Variants in SYCP2L observed in about 807,000 individuals in gnomAD.
SYCP2L encodes the protein synaptonemal complex protein 2 like, also known as synaptonemal complex protein 2-like.
A neutral mutation model predicts 125.8 loss-of-function variants in SYCP2L; 98 were observed. The observed-to-expected ratio is 0.78, with a 90% CI of 0.66 to 0.92. The LOEUF (loss-of-function observed/expected upper bound fraction) is 0.92. SYCP2L is among the 40% of genes least tolerant of loss of function. SYCP2L has a pLI of 0.00. For synonymous variants in SYCP2L, 317 were observed against 325.4 expected (o/e 0.97, Z 0.28); for missense variants, 842 against 936.4 (o/e 0.90, Z 1.32).
In SYCP2L at chr6:10,907,540, A is replaced by G; in HGVS notation, c.677-2A>G. 1.2e-6 allele frequency: 2 copies of G among 1,608,580 alleles called. No homozygotes were observed. Among genetic ancestry groups the G allele is most frequent in the Non-Finnish European group, 1.7e-6 (2 of 1,178,078 alleles). The stretch of plus-strand genomic sequence containing the variant: ...TATGTCTACTATGTTTTTAATCTCT[A>G]GATTATGACCAGCAGGTTGCTATTT... On this transcript the variant is annotated splice_acceptor_variant, in intron 9 of 29. Transcript: ENST00000283141. LOFTEE classifies it high-confidence loss of function.
At chr6:10,952,016 G>A (rs1301350142) in intron 23 of SYCP2L, among the ~76,000 whole-genome samples, 1 of 152,126 alleles carries the variant, frequency 6.6e-6, no homozygotes, top group Non-Finnish European at 1.5e-5. Flanking sequence ...GAGAGCAGGA[G>A]CACACCCCCT....
At chr6:10,935,211 C>A (rs758690761) in intron 21 of SYCP2L, 24 bp downstream of exon 21, 1 of 1,603,066 alleles carries the variant, frequency 6.2e-7, no homozygotes, top group South Asian at 1.1e-5. Context: ...TGTTGACTTA[C>A]ATAGGAAAAA....
chr6:10,972,353 G>T (rs558309281), intron 29 of SYCP2L, among the ~76,000 whole-genome samples: 2 of 152,316 alleles, frequency 1.3e-5, no homozygotes, highest in South Asian at 2.1e-4. Context: ...CTCCAATAGA[G>T]AATTGGATTA....
rs1781499952 is a variant in SYCP2L, at chr6:10,956,170, A to G, written c.2091A>G (p.Pro697=). 2 of 1,613,914 alleles carry G rather than the reference A, an allele frequency of 1.2e-6. No homozygotes were observed. Among genetic ancestry groups the G allele is most frequent in the Non-Finnish European group, 8.5e-7 (1 of 1,179,988 alleles). Residue 697 remains proline (P), a synonymous_variant, in exon 25 of 30, where the codon CCA becomes CCG. Transcript: ENST00000283141. ...CCACTTCATCCCTAGAAGTTGTGCCAGAGAACTTGAACGGTTCTGCCATTC... is the reference window on the plus strand; with the variant it reads ...CCACTTCATCCCTAGAAGTTGTGCCGGAGAACTTGAACGGTTCTGCCATTC... The part of the protein sequence containing the change: ...GISTSSLEVV[P]ENLNGSAILP...
chr6:10,926,844 A>T (rs1780906527), intron 16 of SYCP2L, among the ~76,000 whole-genome samples: 1 of 149,014 alleles, frequency 6.7e-6, no homozygotes, highest in African/African-American at 2.5e-5. Context: ...CAGTGGCACG[A>T]TCTCGGCTCA....
At chr6:10,887,580 TA>T (rs145580893) in intron 1 of SYCP2L, among the ~76,000 whole-genome samples, 16 of 150,970 alleles carry the variant, frequency 1.1e-4, no homozygotes, top group African/African-American at 2.9e-4. Context: ...CAATAAATAA[TA>T]AAAAAAAACA....
chr6:10,902,099 A>G (rs12234119), intron 6 of SYCP2L, among the ~76,000 whole-genome samples: 46,325 of 152,136 alleles, frequency 0.3, 7,472 homozygotes, highest in African/African-American at 0.39. Flanking sequence ...TGCCTAGTTT[A>G]AGCCAGTCTA....
At chr6:10,919,551 C>T (rs1780752894) in intron 14 of SYCP2L, among the ~76,000 whole-genome samples, 1 of 152,156 alleles carries the variant, frequency 6.6e-6, no homozygotes, top group Admixed American at 6.5e-5. Flanking sequence ...TGCTGGTTGG[C>T]CTTCTGCCGG....
Position 10,902,983 on chromosome 6 carries a change from T to TTAC in SYCP2L, c.641+21_641+23dup. ...TCTTATGTAAGTGACTTTGTATAAG[T>TTAC]TACGTGCTGTAGTAAGGGTAAAATC... On this transcript the variant is annotated intron_variant, in intron 8 of 29. Transcript: ENST00000283141. The TTAC allele has an allele frequency of 6.3e-7, 1 of 1,599,170 alleles. No homozygotes were observed. The highest frequency in any genetic ancestry group is 8.6e-7 in the Non-Finnish European group (1 of 1,166,580).
Position 10,942,473 on chromosome 6 carries a change from C to T in SYCP2L, c.1828C>T (p.His610Tyr), listed in dbSNP as rs1489231498. The change falls in exon 22 of 30, where the codon CAC becomes TAC. Residue 610 changes from histidine to tyrosine, a missense_variant. Coordinates refer to ENST00000283141, the MANE Select transcript of SYCP2L (RefSeq NM_001040274.3). ...SAQKTELQDPHSLSELSSLKH... is the reference protein window; with the variant it reads ...SAQKTELQDPYSLSELSSLKH... ...CTAATGCTCAGAGCTTCAAGATCCT[C>T]ACTCACTGAGTGAGCTCTCTTCCTT... 9 of 1,585,530 alleles carry T rather than the reference C, an allele frequency of 5.7e-6. 1 individual carries two copies. In the East Asian group the frequency reaches 1.1e-4, roughly 20 times the overall value.
rs879695646 is a variant in SYCP2L, at chr6:10,912,773, T to C, written c.1011+8T>C. The stretch of plus-strand genomic sequence containing the variant: ...TATATAGACAATGCTGAGGTAATGA[T>C]GTTCGATTCTTGGTTAGAACTAAGC... On this transcript the variant is annotated splice_region_variant and intron_variant, in intron 13 of 29. Coordinates refer to ENST00000283141, the MANE Select transcript of SYCP2L (RefSeq NM_001040274.3). This position sits in a 1 kb window ranked among gnomAD's most constrained non-coding sequence, Gnocchi z 4.1. The C allele has an allele frequency of 8.1e-6, 13 of 1,612,180 alleles. No homozygotes were observed. Among genetic ancestry groups the C allele is most frequent in the Non-Finnish European group, 8.5e-6 (10 of 1,178,570 alleles).
At chr6:10,955,303 G>C in intron 24 of SYCP2L, 86 bp downstream of exon 24, 2 of 828,030 alleles carry the variant, frequency 2.4e-6, no homozygotes, top group Non-Finnish European at 4.0e-6. Context: ...TCACAAGGGA[G>C]GTATAGTTTT....
intron 16 of SYCP2L, 40 bp downstream of exon 16, chr6:10,926,472 T>C (rs1200417322): frequency 6.6e-7 from 1 of 1,515,816 alleles, no homozygotes; most frequent in Non-Finnish European, 9.1e-7. Flanking sequence ...CTGAGTTTTC[T>C]GTAAAAGCGA....
intron 21 of SYCP2L, among the ~76,000 whole-genome samples, chr6:10,938,712 A>G (rs1781153911): frequency 1.3e-5 from 2 of 152,256 alleles, no homozygotes; most frequent in South Asian, 4.1e-4. Context: ...AAGTTGCAGG[A>G]TACAAAATCA....
At chr6:10,943,941 T>G (rs1183392893) in intron 23 of SYCP2L, among the ~76,000 whole-genome samples, 2 of 152,172 alleles carry the variant, frequency 1.3e-5, no homozygotes, top group Admixed American at 1.3e-4. Flanking sequence ...TATTTAAAAA[T>G]CCATTCCAGT....
At chr6:10,897,025 A>T (rs1050254610) in intron 4 of SYCP2L, among the ~76,000 whole-genome samples, 1 of 147,782 alleles carries the variant, frequency 6.8e-6, no homozygotes, top group African/African-American at 2.5e-5. Flanking sequence ...CTAACTATGC[A>T]TGCGGAGTTT....
intron 17 of SYCP2L, 131 bp downstream of exon 17, chr6:10,927,498 C>T (rs1485234926): frequency 1.8e-5 from 12 of 680,648 alleles, no homozygotes; most frequent in Non-Finnish European, 2.7e-5. Context: ...GTGATGCCCC[C>T]TGAGCTGTAA....
intron 28 of SYCP2L, chr6:10,963,276 G>A (rs1483286048): frequency 6.5e-6 from 1 of 153,406 alleles, no homozygotes; most frequent in Non-Finnish European, 1.5e-5. Context: ...TGCCAGTGAG[G>A]GATGATGGTG....
chr6:10,925,733 A>G (rs982175032), intron 15 of SYCP2L, among the ~76,000 whole-genome samples: 2 of 152,314 alleles, frequency 1.3e-5, no homozygotes, highest in African/African-American at 2.4e-5. Context: ...CAAAAAGGCC[A>G]TTTCATGGAT....
Sources: gnomAD v4.1 joint callset for allele counts (sites outside exome capture counted in the v4.1 genomes callset) on GRCh38, gnomAD v4.1.1 for gene constraint, Gnocchi (gnomAD v3.1) non-coding constraint, MANE v1.5 for transcripts, NCBI Gene and HGNC (gene_info 2026-07-23, HGNC 2026-07-21) for gene names.